Variants in PDE3A observed in about 807,000 individuals in gnomAD.
PDE3A encodes cGMP-inhibited 3',5'-cyclic phosphodiesterase 3A.
In PDE3A, 43 loss-of-function variants were observed where a neutral mutation model predicts 98.3. The ratio of observed to expected loss-of-function variants is 0.44; its 90% CI spans 0.34 to 0.56. The LOEUF (loss-of-function observed/expected upper bound fraction) is 0.56. Ranked by LOEUF, PDE3A falls within the 20% of genes least tolerant of loss-of-function variation. The pLI is 0.01. For synonymous variants in PDE3A, 663 were observed against 567.9 expected (o/e 1.17, Z -2.38); for missense variants, 1,427 against 1,440.7 (o/e 0.99, Z 0.15).
intron 10 of PDE3A, among the ~76,000 whole-genome samples, chr12:20,641,735 CTTTTA>C (rs1052124965): frequency 6.6e-6 from 1 of 152,048 alleles, no homozygotes; most frequent in Non-Finnish European, 1.5e-5. Flanking sequence ...TTATTATTCA[CTTTTA>C]TATTTTCTTA....
chr12:20,451,808 A>G (rs1458045369), intron 1 of PDE3A, among the ~76,000 whole-genome samples: 2 of 152,156 alleles, frequency 1.3e-5, no homozygotes, highest in Non-Finnish European at 2.9e-5. Flanking sequence ...CAGATTTTAT[A>G]TTCATTTAGA....
intron 1 of PDE3A, among the ~76,000 whole-genome samples, chr12:20,405,866 C>A (rs1239195666): frequency 6.6e-6 from 1 of 152,114 alleles, no homozygotes; most frequent in Non-Finnish European, 1.5e-5. Flanking sequence ...AAGTTTCTAC[C>A]TTTGGACCAA....
Position 20,439,166 on chromosome 12 carries a change from T to C in PDE3A, c.960+68922T>C, listed in dbSNP as rs1944827512. On this transcript the variant is annotated intron_variant, in intron 1 of 15. Coordinates refer to ENST00000359062, the MANE Select transcript of PDE3A (RefSeq NM_000921.5). ...CTTTACAGTTTCAAAATATAATTTT[T>C]CTGTAATGATCCAGAAAATAACAAT... Among the ~76,000 whole-genome samples the C allele has an allele frequency of 2.0e-5, 3 of 152,138 alleles. No homozygotes were observed. The South Asian group carries it at 6.2e-4, about 31-fold the overall frequency.
intron 2 of PDE3A, among the ~76,000 whole-genome samples, chr12:20,591,513 C>T (rs1027041384): frequency 4.6e-5 from 7 of 152,230 alleles, no homozygotes; most frequent in African/African-American, 1.4e-4. Context: ...AAAGTAGCCA[C>T]AGGAGTGGCT....
chr12:20,475,792 T>C (rs1945522802), intron 1 of PDE3A, among the ~76,000 whole-genome samples: 1 of 152,012 alleles, frequency 6.6e-6, no homozygotes, highest in Non-Finnish European at 1.5e-5. Flanking sequence ...GTTTTGTGCA[T>C]CTGGAAAGAA....
At chr12:20,526,941 C>T (rs867823119) in intron 1 of PDE3A, among the ~76,000 whole-genome samples, 30 of 132,158 alleles carry the variant, frequency 2.3e-4, no homozygotes, top group African/African-American at 8.3e-4. Context: ...TGTTTGAGAC[C>T]AAGTCTCACT....
At chr12:20,596,135 G>A (rs1943460659) in intron 2 of PDE3A, among the ~76,000 whole-genome samples, 1 of 151,890 alleles carries the variant, frequency 6.6e-6, no homozygotes, top group South Asian at 2.1e-4. Flanking sequence ...TAAATCTGTT[G>A]GTATTACCAT....
intron 1 of PDE3A, among the ~76,000 whole-genome samples, chr12:20,447,218 G>C (rs894236967): frequency 3.3e-5 from 5 of 152,164 alleles, no homozygotes; most frequent in Non-Finnish European, 7.3e-5. Context: ...GGTGGTAGGA[G>C]GATATTCTTA....
intron 1 of PDE3A, among the ~76,000 whole-genome samples, chr12:20,466,017 C>T (rs1945335809): frequency 6.6e-6 from 1 of 152,164 alleles, no homozygotes; most frequent in Non-Finnish European, 1.5e-5. Flanking sequence ...AGCCAATGAA[C>T]TAAGTCAGCA....
chr12:20,642,029 C>A (rs1347918054), intron 10 of PDE3A, among the ~76,000 whole-genome samples: 1 of 151,950 alleles, frequency 6.6e-6, no homozygotes, highest in Non-Finnish European at 1.5e-5. Flanking sequence ...TCAGCACATA[C>A]AAAAATTTGC....
chr12:20,529,266 A>G (rs187791637), intron 1 of PDE3A, among the ~76,000 whole-genome samples: 1 of 152,296 alleles, frequency 6.6e-6, no homozygotes, highest in Non-Finnish European at 1.5e-5. Flanking sequence ...CTTACCAAGC[A>G]TATATTTTAC....
At chr12:20,632,861 A>G (rs916189763) in intron 6 of PDE3A, among the ~76,000 whole-genome samples, 4 of 151,762 alleles carry the variant, frequency 2.6e-5, no homozygotes, top group South Asian at 2.1e-4. Context: ...ATATACTATC[A>G]TTCTATTTCA....
At chr12:20,431,629 ACACG>A (rs917191191) in intron 1 of PDE3A, among the ~76,000 whole-genome samples, 2 of 151,634 alleles carry the variant, frequency 1.3e-5, no homozygotes, top group Non-Finnish European at 2.9e-5. Flanking sequence ...ACACGCACAC[ACACG>A]CACGCACAAA....
At chr12:20,472,106 AT>A (rs1375873838) in intron 1 of PDE3A, among the ~76,000 whole-genome samples, 3 of 152,094 alleles carry the variant, frequency 2.0e-5, no homozygotes, top group African/African-American at 7.2e-5. Context: ...GACCTAGATC[AT>A]TTTTGGATAC....
intron 1 of PDE3A, among the ~76,000 whole-genome samples, chr12:20,436,120 G>A (rs1053570419): frequency 3.9e-5 from 6 of 152,140 alleles, no homozygotes; most frequent in African/African-American, 1.4e-4. Flanking sequence ...TTCCACTCCA[G>A]ATGGCTGGAT....
chr12:20,569,596 A>C (rs760189327), intron 2 of PDE3A, among the ~76,000 whole-genome samples: 8 of 152,154 alleles, frequency 5.3e-5, no homozygotes, highest in Non-Finnish European at 1.2e-4. Context: ...GCACATTTAC[A>C]TTTTGACATC....
At position 20,552,351 on chromosome 12, in the gene PDE3A, C is replaced by A; in HGVS notation, c.961-4309C>A. Reference sequence around the variant, plus strand: ...CCGAGAAGGGGAAGTCCGGGTTTCTCGTGTGGCGCTACCTTCTGCGGAGGG... The same window carrying A: ...CCGAGAAGGGGAAGTCCGGGTTTCTAGTGTGGCGCTACCTTCTGCGGAGGG... On this transcript the variant is annotated intron_variant, in intron 1 of 15. Transcript: ENST00000359062. This position sits in a 1 kb window ranked among gnomAD's most constrained non-coding sequence, Gnocchi z 5.1. 6.2e-7 allele frequency: 1 copy of A among 1,613,788 alleles called. No individual in the cohort carries two copies. Among genetic ancestry groups the A allele is most frequent in the South Asian group, 1.1e-5 (1 of 91,044 alleles).
intron 1 of PDE3A, among the ~76,000 whole-genome samples, chr12:20,394,794 C>T (rs970523796): frequency 6.6e-6 from 1 of 151,910 alleles, no homozygotes; most frequent in African/African-American, 2.4e-5. Context: ...TTGCCCCTGC[C>T]TGAAGATATT....
chr12:20,370,085 A>G lies in PDE3A; in HGVS notation c.801A>G (p.Pro267=), dbSNP rs762505257. ...QILPQSAEAA[P]REHLGSQLIA... Reference sequence around the variant, plus strand: ...TGCCGCAGTCCGCGGAGGCGGCTCCAAGGGAGCATTTGGGGTCCCAGCTGA... The same window carrying G: ...TGCCGCAGTCCGCGGAGGCGGCTCCGAGGGAGCATTTGGGGTCCCAGCTGA... Residue 267 remains proline, a synonymous_variant, in exon 1 of 16, where the codon CCA becomes CCG. Coordinates refer to ENST00000359062, the MANE Select transcript of PDE3A (RefSeq NM_000921.5). The G allele has an allele frequency of 8.7e-6, 14 of 1,613,080 alleles. No homozygotes were observed. Among genetic ancestry groups the G allele is most frequent in the Non-Finnish European group, 1.7e-6 (2 of 1,179,866 alleles).
Sources: allele counts gnomAD v4.1 joint callset (sites outside exome capture counted in the v4.1 genomes callset), GRCh38; gene constraint gnomAD v4.1.1; non-coding constraint Gnocchi (gnomAD v3.1); transcripts MANE v1.5; gene names NCBI Gene and HGNC (gene_info 2026-07-23, HGNC 2026-07-21).